The following FBN2 variants were observed in gnomAD, a reference collection of about 807,000 sequenced individuals.
FBN2 encodes fibrillin 2.
Under a neutral mutation model 355.6 loss-of-function variants are expected in FBN2, and 105 were observed. The observed-to-expected ratio is 0.30, with a 90% CI of 0.25 to 0.35. The LOEUF (loss-of-function observed/expected upper bound fraction) is 0.35. Ranked by LOEUF, FBN2 falls within the 10% of genes least tolerant of loss-of-function variation. The probability of loss-of-function intolerance (pLI) is 1.00; values close to 1 mark genes in which losing one functional copy is unlikely to be tolerated. For missense variants in FBN2, 3,280 were observed against 3,758.7 expected, an observed-to-expected ratio of 0.87 and a Z score of 3.33; for synonymous variants, 1,350 against 1,301.2, an observed-to-expected ratio of 1.04 and a Z score of -0.81.
At chr5:128,382,020 C>G (rs541484509) in intron 11 of FBN2, among the ~76,000 whole-genome samples, 1 of 152,168 alleles carries the variant, frequency 6.6e-6, no homozygotes, top group Admixed American at 6.6e-5. Flanking sequence ...CTAACTCTCT[C>G]TATACCTGGC....
chr5:128,378,008 GTTTTT>G, intron 12 of FBN2, 131 bp from the exon 13 acceptor site: 9 of 509,488 alleles, frequency 1.8e-5, no homozygotes, highest in Non-Finnish European at 2.0e-5. Context: ...TCTCTCAGCA[GTTTTT>G]TTTTTTTTTT....
intron 18 of FBN2, among the ~76,000 whole-genome samples, chr5:128,363,969 T>C (rs748034239): frequency 2.6e-5 from 4 of 152,234 alleles, no homozygotes; most frequent in African/African-American, 4.8e-5. Context: ...AAGTGATTAG[T>C]TGTAAAACTA....
At chr5:128,299,494 T>G (rs1027288734) in intron 48 of FBN2, among the ~76,000 whole-genome samples, 1 of 150,460 alleles carries the variant, frequency 6.6e-6, no homozygotes, top group African/African-American at 2.5e-5. Context: ...CATAGGACCC[T>G]CCGAGCCATG....
chr5:128,496,397 A>G (rs918993385), intron 5 of FBN2, among the ~76,000 whole-genome samples: 16 of 152,136 alleles, frequency 1.1e-4, no homozygotes, highest in African/African-American at 3.9e-4. Context: ...GTAATACACC[A>G]TATCAACAGA....
At chr5:128,381,094 G>A (rs927829855) in intron 11 of FBN2, among the ~76,000 whole-genome samples, 31 of 152,056 alleles carry the variant, frequency 2.0e-4, no homozygotes, top group African/African-American at 6.5e-4. Context: ...GCAAGGGCTC[G>A]AGGATTACCT....
chr5:128,530,818 T>A (rs762327918), intron 2 of FBN2, 125 bp from the exon 3 acceptor site: 3 of 687,158 alleles, frequency 4.4e-6, no homozygotes, highest in Non-Finnish European at 7.6e-6. Flanking sequence ...GATATAAATG[T>A]CTAACTTCAG....
intron 5 of FBN2, among the ~76,000 whole-genome samples, chr5:128,486,098 A>T (rs1755329923): frequency 1.3e-5 from 2 of 152,162 alleles, no homozygotes; most frequent in African/African-American, 4.8e-5. Flanking sequence ...ATATAAAAGT[A>T]TGTTCAGAAT....
chr5:128,487,363 C>A lies in FBN2; in HGVS notation c.629-22442G>T, dbSNP rs184587697. Among the ~76,000 whole-genome samples, 149 of 152,206 alleles carry A rather than the reference C, an allele frequency of 9.8e-4. 4 individuals are homozygous for A. In the East Asian group the frequency reaches 0.026, roughly 26 times the overall value. ...GTAAAACAAGCCACAGAGATTTTTA[C>A]GGTTGGTTGTTATGATAGCATAACC... On this transcript the variant is annotated intron_variant, in intron 5 of 64. Coordinates refer to ENST00000262464, the MANE Select transcript of FBN2 (RefSeq NM_001999.4).
chr5:128,494,446 A>C (rs911617374), intron 5 of FBN2, among the ~76,000 whole-genome samples: 2 of 152,210 alleles, frequency 1.3e-5, no homozygotes, highest in Non-Finnish European at 2.9e-5. Context: ...TTTTGGAGTC[A>C]GAGGCTCAAA....
intron 8 of FBN2, among the ~76,000 whole-genome samples, chr5:128,397,412 G>A (rs1420228787): frequency 6.6e-6 from 1 of 152,276 alleles, no homozygotes; most frequent in Middle Eastern, 3.4e-3. Flanking sequence ...GCTTCTACAA[G>A]AAGGAGGTTG....
At chr5:128,465,373 C>T (rs986746188) in intron 5 of FBN2, among the ~76,000 whole-genome samples, 2 of 152,196 alleles carry the variant, frequency 1.3e-5, no homozygotes, top group African/African-American at 4.8e-5. Context: ...TCAGTACATT[C>T]ACTGATGTTT....
chr5:128,286,905 T>G, intron 54 of FBN2, 56 bp from the exon 55 acceptor site: 1 of 1,549,842 alleles, frequency 6.5e-7, no homozygotes, highest in Non-Finnish European at 8.8e-7. Flanking sequence ...GTTTAGTACT[T>G]TTAAGTCACA....
chr5:128,368,982 T>A (rs1453166436), intron 16 of FBN2, among the ~76,000 whole-genome samples, 200 bp downstream of exon 16: 3 of 152,094 alleles, frequency 2.0e-5, no homozygotes, highest in Non-Finnish European at 4.4e-5. Context: ...TCACTGTGTG[T>A]TCTGTTGGCC....
At chr5:128,395,907 G>C (rs1330241219) in intron 8 of FBN2, among the ~76,000 whole-genome samples, 1 of 152,210 alleles carries the variant, frequency 6.6e-6, no homozygotes, top group East Asian at 1.9e-4. Context: ...ATTTCGAGTG[G>C]AGGGTTTGGA....
chr5:128,299,998 G>C (rs887111388), intron 48 of FBN2, among the ~76,000 whole-genome samples: 10 of 152,142 alleles, frequency 6.6e-5, no homozygotes, highest in Non-Finnish European at 1.3e-4. Context: ...TAATTATGTG[G>C]TCTGAAGAAT....
chr5:128,349,540 T>C, intron 22 of FBN2, 68 bp from the exon 23 acceptor site: 1 of 1,538,720 alleles, frequency 6.5e-7, no homozygotes, highest in Non-Finnish European at 8.9e-7. Flanking sequence ...GTGGTCCTAC[T>C]TCCTGTATAG....
At chr5:128,454,542 T>C (rs760032383) in intron 6 of FBN2, among the ~76,000 whole-genome samples, 2 of 152,242 alleles carry the variant, frequency 1.3e-5, no homozygotes, top group African/African-American at 4.8e-5. Flanking sequence ...TACTTGGCTA[T>C]GTGGAAGGCT....
At chr5:128,325,475 A>G (rs1165912325) in intron 34 of FBN2, among the ~76,000 whole-genome samples, 1 of 152,080 alleles carries the variant, frequency 6.6e-6, no homozygotes, top group Non-Finnish European at 1.5e-5. Context: ...ATATTCCTCC[A>G]TCCCTTTATT....
At chr5:128,521,662 T>A (rs1756436935) in intron 4 of FBN2, among the ~76,000 whole-genome samples, 1 of 152,216 alleles carries the variant, frequency 6.6e-6, no homozygotes, top group Admixed American at 6.5e-5. Flanking sequence ...GTAGGAAATT[T>A]AAATTACAGT....
Sources: allele counts gnomAD v4.1 joint callset (sites outside exome capture counted in the v4.1 genomes callset), GRCh38; gene constraint gnomAD v4.1.1; transcripts MANE v1.5; gene names NCBI Gene and HGNC (gene_info 2026-07-23, HGNC 2026-07-21).